The following CNTNAP3B variants were observed in gnomAD, a reference collection of about 807,000 sequenced individuals.
CNTNAP3B encodes contactin associated protein family member 3B.
CNTNAP3B carries 25 observed loss-of-function variants against 108.9 expected under a neutral mutation model. The observed-to-expected ratio is 0.23, with a 90% CI of 0.17 to 0.32. The LOEUF is 0.32. Among genes scored for constraint, CNTNAP3B ranks in the 10% least tolerant of loss-of-function variants. CNTNAP3B has a pLI of 1.00. For synonymous variants in CNTNAP3B, 103 were observed against 473.4 expected, an observed-to-expected ratio of 0.22 and a Z score of 10.16; for missense variants, 252 against 1,210.4, an observed-to-expected ratio of 0.21 and a Z score of 11.75.
chr9:42,056,141 C>G (rs1191890268), intron 3 of CNTNAP3B, among the ~76,000 whole-genome samples: 1 of 132,844 alleles, frequency 7.5e-6, no homozygotes, highest in Non-Finnish European at 1.6e-5. Flanking sequence ...TGTTTCCATA[C>G]TATTTAATTT....
chr9:41,944,090 G>T (rs1329209419), intron 13 of CNTNAP3B, among the ~76,000 whole-genome samples: 2 of 149,650 alleles, frequency 1.3e-5, no homozygotes, highest in African/African-American at 5.0e-5. Flanking sequence ...TCTATATCCA[G>T]TAAAATTATC....
chr9:42,079,633 T>G (rs1244861564), intron 2 of CNTNAP3B, among the ~76,000 whole-genome samples: 1 of 135,014 alleles, frequency 7.4e-6, no homozygotes, highest in Non-Finnish European at 1.6e-5. Context: ...GCAATTCTCC[T>G]GCCTCAGCCA....
chr9:42,113,327 CCTTTT>C lies in CNTNAP3B; in HGVS notation c.86-8593_86-8589del, dbSNP rs1271290968. The stretch of plus-strand genomic sequence containing the variant: ...CTGGATAGATGATCTTGTTCTCTTT[CCTTTT>C]ATTTCTAAATTTCTTGCTATGTAGT... On this transcript the variant is annotated intron_variant, in intron 1 of 23. Transcript: ENST00000377561. Among the ~76,000 whole-genome samples, 8 of 137,552 alleles carry C rather than the reference CCTTTT, an allele frequency of 5.8e-5. 1 individual carries two copies. The highest frequency in any genetic ancestry group is 1.1e-4 in the Non-Finnish European group (7 of 64,564). 90.2% of individuals were successfully genotyped at this position (137,552 alleles called of 152,430 possible).
At position 41,999,536 on chromosome 9, in the gene CNTNAP3B, C is replaced by A. The variant is rs1587189868; in HGVS notation, c.539-932G>T. 1.6e-5 allele frequency among the ~76,000 whole-genome samples: 2 copies of A among 122,908 alleles called. 1 individual carries two copies. The highest frequency in any genetic ancestry group is 6.9e-5 in the African/African-American group (2 of 28,794). 80.6% of individuals were successfully genotyped at this position (122,908 alleles called of 152,430 possible). A position where few individuals can be genotyped will look rare whatever the true frequency, so the allele number is the denominator to read the frequency against. On this transcript the variant is annotated intron_variant, in intron 4 of 23. Transcript: ENST00000377561. ...TTAAAACTCTCTCTCTCTCTCTACA[C>A]ACACACACACATACACACACACACA...
intron 3 of CNTNAP3B, among the ~76,000 whole-genome samples, chr9:42,054,572 AG>A (rs1232144947): frequency 6.6e-6 from 1 of 151,706 alleles, no homozygotes; most frequent in East Asian, 1.9e-4. Flanking sequence ...GCACTCAGTT[AG>A]TTACTCTTAG....
rs577337168 is a variant in CNTNAP3B, at chr9:42,110,785, T to A, written c.86-6046A>T. 2.2e-5 allele frequency among the ~76,000 whole-genome samples: 3 copies of A among 138,510 alleles called. 1 individual carries two copies. Among genetic ancestry groups the A allele is most frequent in the Admixed American group, 2.2e-4 (3 of 13,886 alleles). 90.9% of individuals were successfully genotyped at this position (138,510 alleles called of 152,430 possible). A position where few individuals can be genotyped will look rare whatever the true frequency, so the allele number is the denominator to read the frequency against. On this transcript the variant is annotated intron_variant, in intron 1 of 23. Transcript: ENST00000377561. ...TCACCTGTCTTTTCAGTTCTTAATGTACCTTAACATTATCTTAATGAGAGG... is the reference window on the plus strand; with the variant it reads ...TCACCTGTCTTTTCAGTTCTTAATGAACCTTAACATTATCTTAATGAGAGG...
intron 13 of CNTNAP3B, among the ~76,000 whole-genome samples, chr9:41,941,906 G>A (rs1824357047): frequency 6.6e-6 from 1 of 152,090 alleles, no homozygotes; most frequent in Non-Finnish European, 1.5e-5. Flanking sequence ...AATAAAGATA[G>A]GAAAAAAACG....
chr9:41,931,221 C>T, intron 14 of CNTNAP3B, among the ~76,000 whole-genome samples: 1 of 152,274 alleles, frequency 6.6e-6, no homozygotes, highest in Admixed American at 6.5e-5. Flanking sequence ...TGTACATATA[C>T]TGGGGGCACA....
intron 13 of CNTNAP3B, among the ~76,000 whole-genome samples, chr9:41,948,554 T>A (rs1414927460): frequency 6.7e-6 from 1 of 150,128 alleles, no homozygotes; most frequent in Non-Finnish European, 1.5e-5. Flanking sequence ...AAACTACATA[T>A]CAATATCTCT....
chr9:41,937,089 G>A (rs1258984702), intron 14 of CNTNAP3B, among the ~76,000 whole-genome samples: 1 of 124,698 alleles, frequency 8.0e-6, no homozygotes, highest in Non-Finnish European at 1.7e-5. Context: ...CACCTGGAAT[G>A]ACCATTACAT....
intron 14 of CNTNAP3B, among the ~76,000 whole-genome samples, chr9:41,930,306 ACTGG>A (rs1823940101): frequency 6.6e-6 from 1 of 152,266 alleles, no homozygotes; most frequent in African/African-American, 2.4e-5. Flanking sequence ...ACTTTAGAAG[ACTGG>A]GGTGGGCAGA....
In CNTNAP3B at chr9:42,088,606, T is replaced by C. The variant is rs1398154003; in HGVS notation, c.197-11544A>G. On this transcript the variant is annotated intron_variant, in intron 2 of 23. Transcript: ENST00000377561. Reference sequence around the variant, plus strand: ...CTATAGATAACTTGATGCTATTTTGTTTGGCCTGTAGTCAGCTGAATCATT... The same window carrying C: ...CTATAGATAACTTGATGCTATTTTGCTTGGCCTGTAGTCAGCTGAATCATT... Among the ~76,000 whole-genome samples, 6 of 139,294 alleles carry C rather than the reference T, an allele frequency of 4.3e-5. 1 individual carries two copies. The highest frequency in any genetic ancestry group is 7.7e-5 in the Non-Finnish European group (5 of 65,082). The allele number at this position is 139,294 out of a possible 152,430, so 91.4% of individuals were successfully genotyped here.
chr9:41,970,036 A>T (rs1207723918), intron 10 of CNTNAP3B, 38 bp downstream of exon 10: 1 of 1,171,274 alleles, frequency 8.5e-7, no homozygotes, highest in East Asian at 4.9e-5. Context: ...TTCAACTTTG[A>T]AAACAGGCAA....
rs1217784274 is a variant in CNTNAP3B at position 42,119,200 on chromosome 9, G to A, written c.85+9810C>T. ...TACACCAATAACAGACAAACAGAGA[G>A]CCAAATCATGAGTGAACTCCCATTC... On this transcript the variant is annotated intron_variant, in intron 1 of 23. Coordinates refer to ENST00000377561, the MANE Select transcript of CNTNAP3B (RefSeq NM_001201380.3). Among the ~76,000 whole-genome samples, 1,042 of 111,566 alleles carry A rather than the reference G, an allele frequency of 9.3e-3. 61 individuals are homozygous for A. The highest frequency in any genetic ancestry group is 0.037 in the South Asian group (111 of 3,010). 73.2% of individuals were successfully genotyped at this position (111,566 alleles called of 152,430 possible). A position where few individuals can be genotyped will look rare whatever the true frequency, so the allele number is the denominator to read the frequency against.
chr9:41,966,548 G>A (rs1455480087), intron 10 of CNTNAP3B, among the ~76,000 whole-genome samples: 1 of 152,158 alleles, frequency 6.6e-6, no homozygotes, highest in African/African-American at 2.4e-5. Context: ...GGTGACAGAG[G>A]CCTCCCTGCT....
intron 13 of CNTNAP3B, among the ~76,000 whole-genome samples, chr9:41,940,643 C>A (rs1428840855): frequency 2.6e-5 from 4 of 152,256 alleles, no homozygotes; most frequent in Non-Finnish European, 5.9e-5. Flanking sequence ...GGTGAAACCC[C>A]GTCTCTACTA....
intron 13 of CNTNAP3B, among the ~76,000 whole-genome samples, chr9:41,945,652 A>C (rs62536522): frequency 6.6e-6 from 1 of 151,704 alleles, no homozygotes; most frequent in African/African-American, 2.4e-5. Flanking sequence ...GCATTAGGAG[A>C]TATAGCTAAT....
intron 2 of CNTNAP3B, among the ~76,000 whole-genome samples, chr9:42,078,782 G>A (rs1177751260): frequency 6.8e-6 from 1 of 147,870 alleles, no homozygotes; most frequent in African/African-American, 2.6e-5. Context: ...GTGAGCCCCT[G>A]CCAGAGACAG....
At chr9:41,915,466 TA>T (rs1402885957) in intron 18 of CNTNAP3B, among the ~76,000 whole-genome samples, 32 of 117,294 alleles carry the variant, frequency 2.7e-4, no homozygotes, top group African/African-American at 1.1e-3. Flanking sequence ...GGATGCCTTT[TA>T]TTTCTTCTTC....
Sources: allele counts gnomAD v4.1 joint callset (sites outside exome capture counted in the v4.1 genomes callset), GRCh38; gene constraint gnomAD v4.1.1; transcripts MANE v1.5; gene names NCBI Gene and HGNC (gene_info 2026-07-23, HGNC 2026-07-21).